The following CAMKMT variants were observed in gnomAD, a reference collection of about 807,000 sequenced individuals.
CAMKMT encodes CaM KMT.
Under a neutral mutation model 48.0 loss-of-function variants are expected in CAMKMT, and 53 were observed. The observed-to-expected ratio is 1.10, with a 90% confidence interval of 0.89 to 1.39. CAMKMT has a LOEUF of 1.39. Among genes scored for constraint, CAMKMT ranks in the 40% most tolerant of loss-of-function variants. CAMKMT has a pLI of 0.00. For missense variants in CAMKMT, 428 were observed against 402.7 expected (o/e 1.06, Z -0.54); for synonymous variants, 165 against 152.3 (o/e 1.08, Z -0.61).
At chr2:44,540,511 G>C (rs901311836) in intron 3 of CAMKMT, among the ~76,000 whole-genome samples, 2 of 152,112 alleles carry the variant, frequency 1.3e-5, no homozygotes, top group African/African-American at 4.8e-5. Flanking sequence ...AGCACTTTGG[G>C]AGGCCGAGGT....
intron 3 of CAMKMT, among the ~76,000 whole-genome samples, chr2:44,558,324 G>A (rs1668132624): frequency 6.6e-6 from 1 of 152,170 alleles, no homozygotes; most frequent in Non-Finnish European, 1.5e-5. Context: ...ACGAGAGTGA[G>A]CCACTGTGCC....
chr2:44,608,014 C>T (rs1322638394), intron 3 of CAMKMT, among the ~76,000 whole-genome samples: 3 of 151,470 alleles, frequency 2.0e-5, no homozygotes, highest in African/African-American at 7.3e-5. Flanking sequence ...ATAATTTTAT[C>T]CTTAAATACT....
At chr2:44,528,629 AGTTT>A (rs1349942778) in intron 3 of CAMKMT, among the ~76,000 whole-genome samples, 3 of 152,152 alleles carry the variant, frequency 2.0e-5, no homozygotes, top group Non-Finnish European at 4.4e-5. Flanking sequence ...CTTTATTGTC[AGTTT>A]GTTTGAATCA....
chr2:44,547,223 G>A (rs553966624), intron 3 of CAMKMT, among the ~76,000 whole-genome samples: 1 of 152,066 alleles, frequency 6.6e-6, no homozygotes, highest in Non-Finnish European at 1.5e-5. Context: ...AGTCTTATTG[G>A]GTCCTCTAGC....
rs975068078 is a variant in CAMKMT at position 44,653,501 on chromosome 2, C to T, written c.377-50782C>T. ...GAGTGAAGTAACTTGTCCTTGGTCA[C>T]CCAGAGCATTTGTAGCAGAGCTAGG... On this transcript the variant is annotated intron_variant, in intron 3 of 10. Transcript: ENST00000378494. This position sits in a 1 kb window ranked among gnomAD's most constrained non-coding sequence, Gnocchi z 5.2. Among the ~76,000 whole-genome samples the T allele has an allele frequency of 3.3e-5, 5 of 152,092 alleles. No individual in the cohort carries two copies. The highest frequency in any genetic ancestry group is 7.4e-5 in the Non-Finnish European group (5 of 68,022).
At chr2:44,467,619 C>T (rs778475850) in intron 3 of CAMKMT, among the ~76,000 whole-genome samples, 15 of 151,520 alleles carry the variant, frequency 9.9e-5, no homozygotes, top group Non-Finnish European at 1.5e-4. Flanking sequence ...TACTACAAAG[C>T]GACAGTCAGC....
At chr2:44,624,209 C>G (rs1363623022) in intron 3 of CAMKMT, among the ~76,000 whole-genome samples, 3 of 152,044 alleles carry the variant, frequency 2.0e-5, no homozygotes, top group African/African-American at 7.3e-5. Context: ...GTGAATCAAG[C>G]TGTTAGGGAC....
intron 3 of CAMKMT, among the ~76,000 whole-genome samples, chr2:44,461,073 C>T (rs1394725152): frequency 6.6e-6 from 1 of 152,172 alleles, no homozygotes; most frequent in Non-Finnish European, 1.5e-5. Flanking sequence ...AGATTCTACT[C>T]TGACCAAGTT....
At chr2:44,731,896 T>C (rs1363831110) in intron 7 of CAMKMT, among the ~76,000 whole-genome samples, 2 of 152,262 alleles carry the variant, frequency 1.3e-5, no homozygotes, top group Non-Finnish European at 2.9e-5. Flanking sequence ...TTCTTTCTGC[T>C]ATACTATACC....
intron 3 of CAMKMT, among the ~76,000 whole-genome samples, chr2:44,498,236 T>A (rs1413704324): frequency 6.6e-6 from 1 of 152,186 alleles, no homozygotes; most frequent in Non-Finnish European, 1.5e-5. Context: ...CATGACTTCA[T>A]GTTGTGGAGT....
intron 3 of CAMKMT, among the ~76,000 whole-genome samples, chr2:44,565,359 C>T (rs767692905): frequency 6.6e-6 from 1 of 152,154 alleles, no homozygotes; most frequent in African/African-American, 2.4e-5. Flanking sequence ...AAAGCTTTGG[C>T]ACTAACTTCT....
At chr2:44,641,068 A>AT (rs1201474324) in intron 3 of CAMKMT, among the ~76,000 whole-genome samples, 2 of 152,220 alleles carry the variant, frequency 1.3e-5, no homozygotes, top group Middle Eastern at 3.4e-3. Context: ...ACACAGAGTG[A>AT]TTTTTTATAA....
intron 8 of CAMKMT, among the ~76,000 whole-genome samples, chr2:44,750,874 A>T (rs960702097): frequency 3.3e-5 from 5 of 152,178 alleles, no homozygotes; most frequent in African/African-American, 9.6e-5. Flanking sequence ...TTAGCTGGGC[A>T]TGATGGCGCA....
chr2:44,548,745 G>A (rs898932311), intron 3 of CAMKMT, among the ~76,000 whole-genome samples: 1 of 152,260 alleles, frequency 6.6e-6, no homozygotes. Context: ...TTAGCTGAGA[G>A]TGGCCCTTGT....
chr2:44,390,930 A>G (rs1183364265), intron 3 of CAMKMT, among the ~76,000 whole-genome samples: 1 of 152,220 alleles, frequency 6.6e-6, no homozygotes, highest in Non-Finnish European at 1.5e-5. Flanking sequence ...GAAAGACATC[A>G]GCCAAGAATA....
At chr2:44,393,863 A>G (rs1046383063) in intron 3 of CAMKMT, among the ~76,000 whole-genome samples, 1 of 152,230 alleles carries the variant, frequency 6.6e-6, no homozygotes, top group African/African-American at 2.4e-5. Flanking sequence ...AAGCTGCACC[A>G]TGCTGTCTCT....
chr2:44,420,923 A>G (rs894935109), intron 3 of CAMKMT, among the ~76,000 whole-genome samples: 7 of 151,592 alleles, frequency 4.6e-5, no homozygotes, highest in Non-Finnish European at 5.9e-5. Flanking sequence ...GCTTTTCGCT[A>G]TTGTTCATCA....
intron 3 of CAMKMT, among the ~76,000 whole-genome samples, chr2:44,539,328 A>G (rs1047443422): frequency 5.3e-5 from 8 of 149,658 alleles, no homozygotes; most frequent in Non-Finnish European, 1.2e-4. Context: ...ATATCTCTTT[A>G]TATCTTTTAA....
chr2:44,403,287 A>G (rs1217450339), intron 3 of CAMKMT, among the ~76,000 whole-genome samples: 3 of 151,736 alleles, frequency 2.0e-5, no homozygotes, highest in African/African-American at 7.3e-5. Flanking sequence ...TGATTCAGTT[A>G]CTCCACCCCC....
Sources: gnomAD v4.1 joint callset for allele counts (sites outside exome capture counted in the v4.1 genomes callset) on GRCh38, gnomAD v4.1.1 for gene constraint, Gnocchi (gnomAD v3.1) non-coding constraint, MANE v1.5 for transcripts, NCBI Gene and HGNC (gene_info 2026-07-23, HGNC 2026-07-21) for gene names.